The following GADL1 variants were observed in gnomAD, a reference collection of about 807,000 sequenced individuals.
GADL1 encodes acidic amino acid decarboxylase GADL1.
A neutral mutation model predicts 69.5 loss-of-function variants in GADL1; 71 were observed. The observed-to-expected ratio is 1.02, with a 90% CI of 0.84 to 1.25. The LOEUF is 1.25. GADL1 is among the 50% of genes most tolerant of loss of function. The probability of loss-of-function intolerance (pLI) is 0.00; values close to 1 mark genes in which losing one functional copy is unlikely to be tolerated. For missense variants in GADL1, 737 were observed against 631.8 expected (o/e 1.17, Z -1.79); for synonymous variants, 254 against 214.4 (o/e 1.18, Z -1.62).
intron 12 of GADL1, among the ~76,000 whole-genome samples, chr3:30,795,654 G>GA (rs1697016514): frequency 6.6e-6 from 1 of 152,062 alleles, no homozygotes. Flanking sequence ...AATTTGAAAA[G>GA]AAAGAAATCA....
chr3:30,753,215 T>C (rs1253926687), intron 14 of GADL1, among the ~76,000 whole-genome samples: 1 of 152,132 alleles, frequency 6.6e-6, no homozygotes, highest in Non-Finnish European at 1.5e-5. Context: ...CAAGCAGAAA[T>C]TCCCTTCAGA....
At chr3:30,779,626 A>T (rs996425413) in intron 13 of GADL1, among the ~76,000 whole-genome samples, 1 of 152,258 alleles carries the variant, frequency 6.6e-6, no homozygotes, top group African/African-American at 2.4e-5. Context: ...TATCTAGGAT[A>T]GACTGTACTG....
chr3:30,793,023 A>G (rs545309869), intron 12 of GADL1, among the ~76,000 whole-genome samples: 131 of 152,302 alleles, frequency 8.6e-4, no homozygotes, highest in Non-Finnish European at 1.5e-3. Context: ...AAATGCTTCT[A>G]TATTACAGGC....
intron 14 of GADL1, among the ~76,000 whole-genome samples, chr3:30,745,914 TTTCTTC>T (rs933168929): frequency 3.3e-5 from 5 of 151,888 alleles, no homozygotes; most frequent in Admixed American, 3.3e-4. Flanking sequence ...ATTCTTTCCA[TTTCTTC>T]TTCTTCTTCT....
intron 14 of GADL1, among the ~76,000 whole-genome samples, chr3:30,762,863 A>G (rs562898421): frequency 3.7e-4 from 56 of 152,194 alleles, no homozygotes; most frequent in African/African-American, 1.3e-3. Flanking sequence ...TCCTTGCTTT[A>G]TTTCACTTAA....
At chr3:30,784,773 T>C (rs972864945) in intron 13 of GADL1, among the ~76,000 whole-genome samples, 3 of 152,204 alleles carry the variant, frequency 2.0e-5, no homozygotes, top group African/African-American at 4.8e-5. Flanking sequence ...TCCTGTCTTC[T>C]TAAAACATCT....
rs541332870 is a variant in GADL1 at position 30,783,490 on chromosome 3, G to A, written c.1302+2865C>T. ...GTTATGTTCACTTACAATTTCCAAT[G>A]TTCCACTTTCTCCTTGCTGTTAGAC... On this transcript the variant is annotated intron_variant, in intron 13 of 14. Transcript: ENST00000282538. 2.7e-5 allele frequency among the ~76,000 whole-genome samples: 4 copies of A among 148,410 alleles called. No individual in the cohort carries two copies. The East Asian group carries it at 7.8e-4, about 29-fold the overall frequency.
At chr3:30,762,661 A>AT (rs1409826868) in intron 14 of GADL1, among the ~76,000 whole-genome samples, 1 of 152,198 alleles carries the variant, frequency 6.6e-6, no homozygotes, top group Non-Finnish European at 1.5e-5. Flanking sequence ...AAATGTAGTT[A>AT]TTGAATAGTC....
intron 14 of GADL1, among the ~76,000 whole-genome samples, chr3:30,736,844 G>C (rs895622340): frequency 2.0e-5 from 3 of 152,110 alleles, no homozygotes; most frequent in African/African-American, 7.2e-5. Context: ...AATTTATTGT[G>C]GGCAGGGATG....
chr3:30,804,797 T>G (rs746699689), intron 11 of GADL1, among the ~76,000 whole-genome samples: 8 of 152,230 alleles, frequency 5.3e-5, no homozygotes, highest in Non-Finnish European at 7.3e-5. Flanking sequence ...TTTACTACTT[T>G]ACTGTCTGGT....
chr3:30,800,487 C>T (rs897826195), intron 12 of GADL1: 5 of 193,906 alleles, frequency 2.6e-5, no homozygotes, highest in Non-Finnish European at 5.3e-5. Context: ...ACAATACCAC[C>T]TTCTCTTCAT....
chr3:30,855,583 A>T (rs1043298175), intron 3 of GADL1, among the ~76,000 whole-genome samples: 3 of 151,970 alleles, frequency 2.0e-5, no homozygotes, highest in Admixed American at 6.6e-5. Flanking sequence ...TTAAGAGACA[A>T]ACAATGGCTT....
intron 12 of GADL1, among the ~76,000 whole-genome samples, chr3:30,794,347 T>C (rs1433202522): frequency 1.3e-5 from 2 of 152,064 alleles, no homozygotes; most frequent in South Asian, 2.1e-4. Context: ...GCTTGAAAAA[T>C]CCCTTAGTGG....
At chr3:30,734,683 T>TA (rs879722008) in intron 14 of GADL1, among the ~76,000 whole-genome samples, 7 of 152,012 alleles carry the variant, frequency 4.6e-5, no homozygotes, top group African/African-American at 1.7e-4. Context: ...TTTCACCAAA[T>TA]AAAAAAAATT....
chr3:30,840,537 G>A (rs1697948760), intron 8 of GADL1, among the ~76,000 whole-genome samples: 1 of 152,052 alleles, frequency 6.6e-6, no homozygotes, highest in African/African-American at 2.4e-5. Context: ...TGACCTAAAG[G>A]ACATAAGACC....
intron 11 of GADL1, among the ~76,000 whole-genome samples, chr3:30,832,788 A>T (rs2125523092): frequency 6.6e-6 from 1 of 152,156 alleles, no homozygotes; most frequent in South Asian, 2.1e-4. Flanking sequence ...TTGAAACTTA[A>T]ATTTAAAAAT....
At chr3:30,793,772 T>G (rs1362660228) in intron 12 of GADL1, among the ~76,000 whole-genome samples, 1 of 139,066 alleles carries the variant, frequency 7.2e-6, no homozygotes, top group Non-Finnish European at 1.5e-5. Flanking sequence ...TCTCTGCAAA[T>G]AGCCTCTCCA....
At chr3:30,799,089 G>A (rs1559503140) in intron 12 of GADL1, 1 of 152,232 alleles carries the variant, frequency 6.6e-6, no homozygotes, top group Non-Finnish European at 1.5e-5. Flanking sequence ...ACCATTCTGG[G>A]GTCTGGAAGA....
rs1559358436 is a variant in GADL1 at position 30,842,821 on chromosome 3, T to TA, written c.786+1388_786+1389insT. On this transcript the variant is annotated intron_variant, in intron 8 of 14. Coordinates refer to ENST00000282538, the MANE Select transcript of GADL1 (RefSeq NM_207359.3). Reference sequence around the variant, plus strand: ...TAAAGTTCACTTGTCATTGGAATGTTTAAAAAAAAAAAAAAAAAAAAAGTA... The same window carrying TA: ...TAAAGTTCACTTGTCATTGGAATGTTATAAAAAAAAAAAAAAAAAAAAAGTA... 9.6e-3 allele frequency among the ~76,000 whole-genome samples: 636 copies of TA among 66,426 alleles called. 3 individuals are homozygous for TA. The highest frequency in any genetic ancestry group is 0.033 in the South Asian group (63 of 1,910). The allele number at this position is 66,426 out of a possible 152,430, so 43.6% of individuals were successfully genotyped here. A position where few individuals can be genotyped will look rare whatever the true frequency, so the allele number is the denominator to read the frequency against.
Sources: gnomAD v4.1 joint callset for allele counts (sites outside exome capture counted in the v4.1 genomes callset) on GRCh38, gnomAD v4.1.1 for gene constraint, MANE v1.5 for transcripts, NCBI Gene and HGNC (gene_info 2026-07-23, HGNC 2026-07-21) for gene names.